Variants in XKR4 observed in about 807,000 individuals in gnomAD.
XKR4 encodes XK related 4, also known as XK-related protein 4.
A neutral mutation model predicts 53.9 loss-of-function variants in XKR4; 12 were observed. The ratio of observed to expected loss-of-function variants is 0.22; its 90% confidence interval spans 0.14 to 0.36. The LOEUF (loss-of-function observed/expected upper bound fraction) is 0.36. XKR4 is among the 10% of genes least tolerant of loss of function. The probability of loss-of-function intolerance (pLI) is 1.00; values close to 1 mark genes in which losing one functional copy is unlikely to be tolerated. For synonymous variants in XKR4, 354 were observed against 362.4 expected, an observed-to-expected ratio of 0.98 and a Z score of 0.26; for missense variants, 799 against 859.5, an observed-to-expected ratio of 0.93 and a Z score of 0.88.
At chr8:55,126,392 T>TG (rs1816469439) in intron 1 of XKR4, among the ~76,000 whole-genome samples, 2 of 152,244 alleles carry the variant, frequency 1.3e-5, no homozygotes, top group Non-Finnish European at 2.9e-5. Flanking sequence ...CCATTGTTGT[T>TG]CATCATTGTC....
chr8:55,332,527 G>A (rs755602705), intron 1 of XKR4, among the ~76,000 whole-genome samples: 47 of 151,974 alleles, frequency 3.1e-4, no homozygotes, highest in Non-Finnish European at 6.3e-4. Context: ...ACCTAGTAGT[G>A]TCTTAATTTC....
chr8:55,308,112 G>A (rs1022163913), intron 1 of XKR4, among the ~76,000 whole-genome samples: 9 of 152,050 alleles, frequency 5.9e-5, no homozygotes, highest in Non-Finnish European at 1.3e-4. Flanking sequence ...AATTAGCTGG[G>A]CATGGTGGCA....
intron 1 of XKR4, among the ~76,000 whole-genome samples, chr8:55,276,084 A>T (rs1460700116): frequency 6.6e-6 from 1 of 152,242 alleles, no homozygotes; most frequent in African/African-American, 2.4e-5. Flanking sequence ...ATTAGTAAAA[A>T]CAATTTCTTC....
intron 1 of XKR4, among the ~76,000 whole-genome samples, chr8:55,195,947 C>T (rs966866288): frequency 3.3e-5 from 5 of 152,126 alleles, no homozygotes; most frequent in Non-Finnish European, 4.4e-5. Flanking sequence ...TTATAGATGT[C>T]TCCGGGAAAG....
rs1806932350 is a variant in XKR4 at position 55,530,212 on chromosome 8, T to TG, written c.*5985_*5986insG. 1 of 147,848 alleles carries TG rather than the reference T, an allele frequency of 6.8e-6. No homozygotes were observed. The highest frequency in any genetic ancestry group is 2.5e-5 in the African/African-American group (1 of 40,220). The allele number at this position is 147,848 out of a possible 1,614,324, so 9.2% of individuals were successfully genotyped here. A position where few individuals can be genotyped will look rare whatever the true frequency, so the allele number is the denominator to read the frequency against. ...GGAAGGAAGGAAGGAAGGAAGGAGA[T>TG]TTAACAAGTCTTTGAAGTGATATTT... On this transcript the variant is annotated 3_prime_UTR_variant, in exon 3 of 3. Transcript: ENST00000327381.
At chr8:55,217,478 G>C (rs1040955861) in intron 1 of XKR4, among the ~76,000 whole-genome samples, 1 of 152,154 alleles carries the variant, frequency 6.6e-6, no homozygotes, top group Non-Finnish European at 1.5e-5. Flanking sequence ...GTAAGAGTGT[G>C]AATTGGTACA....
At chr8:55,285,433 A>T (rs928256512) in intron 1 of XKR4, among the ~76,000 whole-genome samples, 1 of 152,168 alleles carries the variant, frequency 6.6e-6, no homozygotes, top group Non-Finnish European at 1.5e-5. Context: ...AGCAACAGAC[A>T]GTATAGAGTG....
At chr8:55,393,642 T>A (rs1344192712) in intron 2 of XKR4, among the ~76,000 whole-genome samples, 2 of 152,186 alleles carry the variant, frequency 1.3e-5, no homozygotes, top group Non-Finnish European at 2.9e-5. Context: ...TTTGGCCTGC[T>A]CAACCATCCA....
intron 1 of XKR4, among the ~76,000 whole-genome samples, chr8:55,169,869 G>T (rs1164472257): frequency 3.3e-5 from 5 of 152,204 alleles, no homozygotes; most frequent in African/African-American, 1.2e-4. Context: ...TCGTGTGCAA[G>T]GAATTCCTAC....
At chr8:55,428,224 G>A (rs928488402) in intron 2 of XKR4, among the ~76,000 whole-genome samples, 1 of 152,158 alleles carries the variant, frequency 6.6e-6, no homozygotes, top group Non-Finnish European at 1.5e-5. Context: ...ATAGAGATTA[G>A]CAAGACCAGA....
intron 1 of XKR4, among the ~76,000 whole-genome samples, chr8:55,256,564 T>A (rs562923560): frequency 6.6e-6 from 1 of 151,916 alleles, no homozygotes; most frequent in African/African-American, 2.4e-5. Context: ...GAGGGAAGAG[T>A]CTAAGTTCTT....
chr8:55,500,708 T>C (rs1806423861), intron 2 of XKR4, among the ~76,000 whole-genome samples: 1 of 152,208 alleles, frequency 6.6e-6, no homozygotes, highest in South Asian at 2.1e-4. Flanking sequence ...AACCTTCTGG[T>C]GTCTGACAGG....
At chr8:55,389,155 G>A (rs573318198) in intron 2 of XKR4, among the ~76,000 whole-genome samples, 2 of 152,190 alleles carry the variant, frequency 1.3e-5, no homozygotes, top group Admixed American at 6.5e-5. Context: ...CTGGGAAGGA[G>A]GCCTGAAACA....
At chr8:55,285,890 C>T (rs970999176) in intron 1 of XKR4, among the ~76,000 whole-genome samples, 1 of 152,250 alleles carries the variant, frequency 6.6e-6, no homozygotes, top group Non-Finnish European at 1.5e-5. Flanking sequence ...ACCTCTCTTA[C>T]CTATTCACAG....
intron 1 of XKR4, among the ~76,000 whole-genome samples, chr8:55,317,389 G>C (rs1819493410): frequency 6.6e-6 from 1 of 152,094 alleles, no homozygotes; most frequent in Non-Finnish European, 1.5e-5. Context: ...GATTTATTGT[G>C]TCTTTTTGAG....
intron 1 of XKR4, among the ~76,000 whole-genome samples, chr8:55,184,165 T>C (rs1359224883): frequency 6.6e-6 from 1 of 152,058 alleles, no homozygotes; most frequent in African/African-American, 2.4e-5. Context: ...TTACATGGAG[T>C]GTTTGCAATG....
chr8:55,333,304 G>T (rs150937142), intron 1 of XKR4, among the ~76,000 whole-genome samples: 55 of 152,114 alleles, frequency 3.6e-4, no homozygotes, highest in African/African-American at 1.2e-3. Flanking sequence ...TATGCCTTCT[G>T]ATTTTGTTGA....
chr8:55,141,645 T>C (rs201808296), intron 1 of XKR4, among the ~76,000 whole-genome samples: 1 of 112,014 alleles, frequency 8.9e-6, no homozygotes, highest in Non-Finnish European at 1.8e-5. Flanking sequence ...GTGCTTCTGC[T>C]TCTCTCTCTC....
chr8:55,174,839 TG>T (rs1329895762), intron 1 of XKR4, among the ~76,000 whole-genome samples: 1 of 152,176 alleles, frequency 6.6e-6, no homozygotes, highest in East Asian at 1.9e-4. Context: ...AAACATCTCA[TG>T]GAGCAGCGTG....
Sources: gnomAD v4.1 joint callset for allele counts (sites outside exome capture counted in the v4.1 genomes callset) on GRCh38, gnomAD v4.1.1 for gene constraint, MANE v1.5 for transcripts, NCBI Gene and HGNC (gene_info 2026-07-23, HGNC 2026-07-21) for gene names.